SCARB2: variants seen among roughly 807,000 people sequenced by gnomAD.
SCARB2 encodes lysosome membrane protein 2.
Under a neutral mutation model 58.6 loss-of-function variants are expected in SCARB2, and 29 were observed. The ratio of observed to expected loss-of-function variants is 0.49; its 90% CI spans 0.37 to 0.67. The LOEUF (loss-of-function observed/expected upper bound fraction) is 0.67. Ranked by LOEUF, SCARB2 falls within the 30% of genes least tolerant of loss-of-function variation. The pLI is 0.00. For missense variants in SCARB2, 488 were observed against 578.5 expected (o/e 0.84, Z 1.60); for synonymous variants, 195 against 210.1 (o/e 0.93, Z 0.62).
chr4:76,189,718 T>A (rs754790021), intron 2 of SCARB2, among the ~76,000 whole-genome samples: 1 of 152,016 alleles, frequency 6.6e-6, no homozygotes, highest in Non-Finnish European at 1.5e-5. Context: ...GTGATCTGCC[T>A]ACCTTGACTT....
chr4:76,223,956 G>T (rs1396546000), intron 1 of SCARB2, among the ~76,000 whole-genome samples: 1 of 152,164 alleles, frequency 6.6e-6, no homozygotes, highest in Non-Finnish European at 1.5e-5. Flanking sequence ...CAGTCATGCT[G>T]TCTTCCCAGG....
chr4:76,215,800 C>T (rs1329383886), upstream of SCARB2, among the ~76,000 whole-genome samples: 5 of 152,072 alleles, frequency 3.3e-5, no homozygotes, highest in East Asian at 3.9e-4. Flanking sequence ...CCCACCAGTC[C>T]CCAGCTGTCC....
chr4:76,212,336 T>C (rs1733067162), intron 1 of SCARB2, among the ~76,000 whole-genome samples: 1 of 152,232 alleles, frequency 6.6e-6, no homozygotes, highest in South Asian at 2.1e-4. Flanking sequence ...TGCTTTGCCA[T>C]GGTGCTTTTT....
At chr4:76,178,023 T>C (rs1316127762) in intron 4 of SCARB2, among the ~76,000 whole-genome samples, 3 of 152,354 alleles carry the variant, frequency 2.0e-5, no homozygotes, top group African/African-American at 4.8e-5. Context: ...GTAAATGTTA[T>C]AGTAAGTGAA....
chr4:76,233,929 G>A (rs1046751204), intron 1 of SCARB2, among the ~76,000 whole-genome samples: 1 of 152,220 alleles, frequency 6.6e-6, no homozygotes, highest in African/African-American at 2.4e-5. Context: ...TACTGATGGG[G>A]TGAAGAAGAG....
In SCARB2 at chr4:76,181,097, G is replaced by A. The variant is rs752416481; in HGVS notation, c.280C>T (p.Leu94Phe). 28 of 1,613,316 alleles carry A rather than the reference G, an allele frequency of 1.7e-5. No homozygotes were observed. The highest frequency in any genetic ancestry group is 1.7e-4 in the Middle Eastern group (1 of 6,058). ...AATTGAATATTTGCTTTGTTTCTGA[G>A]TTCCCTAAAAGAAAGAAAAGGGTTT... ...EEVGPYTYRE[L>F]RNKANIQFGD... Residue 94 changes from leucine (L) to phenylalanine (F), a missense_variant, in exon 3 of 12, where the codon CTC (leucine) becomes TTC (phenylalanine). By Grantham distance (22) the Leu-to-Phe change is conservative (BLOSUM62 0). Coordinates refer to ENST00000264896, the MANE Select transcript of SCARB2 (RefSeq NM_005506.4).
intron 10 of SCARB2, chr4:76,164,758 A>C (rs183801915): frequency 2.7e-5 from 4 of 150,492 alleles, no homozygotes; most frequent in African/African-American, 9.8e-5. Context: ...CCAAAATCGC[A>C]CCACTGTAGA....
chr4:76,196,095 G>C lies in SCARB2; in HGVS notation c.118-231C>G, dbSNP rs375903010. Among the ~76,000 whole-genome samples the C allele has an allele frequency of 3.3e-5, 5 of 152,280 alleles. No individual in the cohort carries two copies. In the East Asian group the frequency reaches 5.8e-4, roughly 18 times the overall value. The stretch of plus-strand genomic sequence containing the variant: ...TCGATAAATATTTGTAAAGGGGCCG[G>C]GCCCAGTGGCCCAACACTCTGGGAG... On this transcript the variant is annotated intron_variant, in intron 1 of 11. Coordinates refer to ENST00000264896, the MANE Select transcript of SCARB2 (RefSeq NM_005506.4).
chr4:76,201,719 G>A (rs1472780418), intron 1 of SCARB2, among the ~76,000 whole-genome samples: 2 of 152,212 alleles, frequency 1.3e-5, no homozygotes, highest in South Asian at 2.1e-4. Context: ...AGACTAGTTT[G>A]GAATTAGCAG....
chr4:76,170,033 A>G (rs1003259540), intron 7 of SCARB2, 48 bp from the exon 8 acceptor site: 2 of 1,502,380 alleles, frequency 1.3e-6, no homozygotes, highest in Non-Finnish European at 1.9e-6. Context: ...TTTAAAATCT[A>G]AGCTGAGCTG....
intron 2 of SCARB2, among the ~76,000 whole-genome samples, chr4:76,190,111 C>T (rs1036149216): frequency 2.6e-5 from 4 of 151,768 alleles, no homozygotes; most frequent in East Asian, 1.9e-4. Flanking sequence ...CAGGTTCAAG[C>T]GATGCTCCCA....
At chr4:76,185,663 T>C (rs1025400820) in intron 2 of SCARB2, among the ~76,000 whole-genome samples, 10 of 152,242 alleles carry the variant, frequency 6.6e-5, no homozygotes, top group Non-Finnish European at 1.3e-4. Flanking sequence ...AACATCGGTA[T>C]ATCTAATTCC....
intron 2 of SCARB2, among the ~76,000 whole-genome samples, chr4:76,183,126 G>GA (rs927718321): frequency 2.0e-5 from 3 of 152,208 alleles, no homozygotes. Flanking sequence ...TTCTCCAGTA[G>GA]AAAAAACAAA....
chr4:76,206,408 A>C (rs1426781711), intron 1 of SCARB2, among the ~76,000 whole-genome samples: 1 of 152,098 alleles, frequency 6.6e-6, no homozygotes, highest in Non-Finnish European at 1.5e-5. Context: ...AAGAACATCC[A>C]CATGTTTCAA....
chr4:76,168,665 G>A (rs1732065051), intron 8 of SCARB2, among the ~76,000 whole-genome samples, 189 bp from the exon 9 acceptor site: 1 of 152,222 alleles, frequency 6.6e-6, no homozygotes, highest in Admixed American at 6.5e-5. Flanking sequence ...TTAGGTGGCT[G>A]ATAGACCAGT....
intron 4 of SCARB2, among the ~76,000 whole-genome samples, chr4:76,177,618 C>G (rs1484582469): frequency 6.6e-6 from 1 of 152,146 alleles, no homozygotes; most frequent in Non-Finnish European, 1.5e-5. Flanking sequence ...AGAAGGAACA[C>G]AACCCAAATG....
At chr4:76,184,208 G>A (rs1360399475) in intron 2 of SCARB2, among the ~76,000 whole-genome samples, 5 of 152,164 alleles carry the variant, frequency 3.3e-5, no homozygotes, top group African/African-American at 9.7e-5. Flanking sequence ...TTGATCCCAA[G>A]TCTTTCTCAT....
intron 2 of SCARB2, among the ~76,000 whole-genome samples, chr4:76,187,143 T>C (rs1732503100): frequency 6.6e-6 from 1 of 152,138 alleles, no homozygotes; most frequent in Non-Finnish European, 1.5e-5. Flanking sequence ...AGAAATTAAA[T>C]GTGGAAAAAC....
At chr4:76,197,362 G>A (rs1324104475) in intron 1 of SCARB2, among the ~76,000 whole-genome samples, 1 of 152,186 alleles carries the variant, frequency 6.6e-6, no homozygotes, top group Non-Finnish European at 1.5e-5. Context: ...GTTTCTATCT[G>A]CCACCTTGAA....
Sources: allele counts gnomAD v4.1 joint callset (sites outside exome capture counted in the v4.1 genomes callset), GRCh38; gene constraint gnomAD v4.1.1; transcripts MANE v1.5; gene names NCBI Gene and HGNC (gene_info 2026-07-23, HGNC 2026-07-21).